The following EYS variants were observed in gnomAD, a reference collection of about 807,000 sequenced individuals.
EYS encodes the protein EGF-like photoreceptor maintenance factor.
In EYS, 250 loss-of-function variants were observed where a neutral mutation model predicts 282.1. That is an observed-to-expected ratio of 0.89 (90% CI 0.80 to 0.98). The LOEUF (loss-of-function observed/expected upper bound fraction) is 0.98. Ranked by LOEUF, EYS falls within the 50% of genes least tolerant of loss-of-function variation. EYS has a pLI of 0.00. For missense variants in EYS, 4,016 were observed against 3,709.0 expected (o/e 1.08, Z -2.15); for synonymous variants, 1,355 against 1,282.9 (o/e 1.06, Z -1.20).
intron 12 of EYS, among the ~76,000 whole-genome samples, chr6:65,160,481 T>C (rs1197214548): frequency 2.0e-5 from 3 of 150,894 alleles, no homozygotes; most frequent in Non-Finnish European, 3.0e-5. Context: ...AATATACTGA[T>C]AACCTTCAAA....
At chr6:63,884,084 G>A (rs182497208) in intron 35 of EYS, among the ~76,000 whole-genome samples, 3 of 152,282 alleles carry the variant, frequency 2.0e-5, no homozygotes, top group Admixed American at 2.0e-4. Context: ...ATGCTGTGAA[G>A]GATTGTGCTC....
intron 33 of EYS, among the ~76,000 whole-genome samples, chr6:64,020,657 T>G (rs762116819): frequency 9.0e-4 from 137 of 152,148 alleles, no homozygotes; most frequent in Non-Finnish European, 1.5e-3. Context: ...GGGTGATTTT[T>G]GGGGATGGAT....
intron 1 of EYS, among the ~76,000 whole-genome samples, chr6:65,704,638 C>T (rs532039308): frequency 2.0e-5 from 3 of 152,016 alleles, no homozygotes; most frequent in Admixed American, 1.3e-4. Context: ...AGTAGCTTTC[C>T]CAAATAGATA....
At chr6:63,934,123 T>C (rs1258018856) in intron 35 of EYS, among the ~76,000 whole-genome samples, 1 of 152,146 alleles carries the variant, frequency 6.6e-6, no homozygotes, top group Non-Finnish European at 1.5e-5. Context: ...AGAAGACACT[T>C]ATGCAGCCAA....
chr6:64,716,305 A>G (rs1771388593), intron 22 of EYS, among the ~76,000 whole-genome samples: 1 of 152,192 alleles, frequency 6.6e-6, no homozygotes, highest in Admixed American at 6.5e-5. Context: ...TTTTCCTGGC[A>G]CGTAATCATT....
intron 12 of EYS, among the ~76,000 whole-genome samples, chr6:65,141,351 G>A (rs1424133370): frequency 2.6e-5 from 4 of 151,946 alleles, no homozygotes; most frequent in East Asian, 1.9e-4. Context: ...GTGGGGTGGC[G>A]GGAGCGGGGA....
rs1477339668 is a variant in EYS at position 64,928,364 on chromosome 6, G to GTGAT, written c.2382-15625_2382-15622dup. ...GTACATTTTTCCTTTATTTCCATATGTGATTACCTTTCTTCCACAGTTCAA... is the reference window on the plus strand; with the variant it reads ...GTACATTTTTCCTTTATTTCCATATGTGATTGATTACCTTTCTTCCACAGTTCAA... On this transcript the variant is annotated intron_variant, in intron 15 of 42. Coordinates refer to ENST00000503581, the MANE Select transcript of EYS (RefSeq NM_001142800.2). Among the ~76,000 whole-genome samples, 10 of 152,028 alleles carry GTGAT rather than the reference G, an allele frequency of 6.6e-5. No homozygotes were observed. The East Asian group carries it at 1.9e-3, about 29-fold the overall frequency.
At chr6:65,295,769 G>T in intron 12 of EYS, 94 bp downstream of exon 12, 3 of 1,060,896 alleles carry the variant, frequency 2.8e-6, no homozygotes, top group South Asian at 1.6e-5. Flanking sequence ...CCAATCAATA[G>T]ACACATTTGA....
At chr6:63,888,976 G>A (rs537337398) in intron 35 of EYS, among the ~76,000 whole-genome samples, 29 of 152,176 alleles carry the variant, frequency 1.9e-4, no homozygotes, top group African/African-American at 4.1e-4. Context: ...AACATAGCAC[G>A]TAAACTTCAT....
chr6:64,907,838 T>C (rs951392838), intron 16 of EYS, among the ~76,000 whole-genome samples: 2 of 146,214 alleles, frequency 1.4e-5, no homozygotes, highest in African/African-American at 2.5e-5. Context: ...AAAAATAAAA[T>C]AAAAAAAAAA....
intron 26 of EYS, among the ~76,000 whole-genome samples, chr6:64,451,696 T>A (rs1048647767): frequency 6.8e-4 from 103 of 152,342 alleles, no homozygotes; most frequent in African/African-American, 2.3e-3. Flanking sequence ...GATGCAAGGC[T>A]GGTTCAACAT....
At chr6:64,692,976 G>GGTTTTTTTT (rs1583048324) in intron 22 of EYS, among the ~76,000 whole-genome samples, 1 of 3,068 alleles carries the variant, frequency 3.3e-4, no homozygotes, top group Non-Finnish European at 1.2e-3. Context: ...GGCTGCTTGG[G>GGTTTTTTTT]CTTTTTTTTT....
intron 11 of EYS, among the ~76,000 whole-genome samples, chr6:65,309,433 G>A (rs908235216): frequency 3.6e-4 from 55 of 152,224 alleles, no homozygotes; most frequent in Middle Eastern, 6.8e-3. Context: ...CATGGGGCCT[G>A]ATAGACTTGT....
intron 29 of EYS, among the ~76,000 whole-genome samples, chr6:64,361,276 A>C (rs1383031919): frequency 2.0e-5 from 3 of 151,718 alleles, no homozygotes; most frequent in African/African-American, 7.3e-5. Flanking sequence ...ATGAAAATAA[A>C]ATTTCATGAG....
chr6:63,743,437 T>C (rs1267557327), intron 41 of EYS, among the ~76,000 whole-genome samples: 3 of 152,204 alleles, frequency 2.0e-5, no homozygotes, highest in Non-Finnish European at 4.4e-5. Context: ...TTATATTTGT[T>C]GGGCATGTCT....
chr6:65,349,331 T>C (rs1182439771), intron 9 of EYS, among the ~76,000 whole-genome samples: 8 of 151,550 alleles, frequency 5.3e-5, no homozygotes, highest in Admixed American at 4.6e-4. Context: ...CTTGGCTTTA[T>C]TTGTCTTTTA....
chr6:65,347,133 C>T (rs1417506796), intron 9 of EYS, among the ~76,000 whole-genome samples: 1 of 151,812 alleles, frequency 6.6e-6, no homozygotes, highest in Non-Finnish European at 1.5e-5. Context: ...AGTGATTTTA[C>T]AGTATTGCCA....
chr6:65,431,184 C>A (rs1326956878), intron 5 of EYS, among the ~76,000 whole-genome samples: 2 of 152,162 alleles, frequency 1.3e-5, no homozygotes, highest in Non-Finnish European at 2.9e-5. Context: ...CCGTTGTGAA[C>A]TCTTTCACCA....
chr6:65,522,261 A>T (rs1472622109), intron 2 of EYS, among the ~76,000 whole-genome samples: 1 of 152,208 alleles, frequency 6.6e-6, no homozygotes, highest in Non-Finnish European at 1.5e-5. Flanking sequence ...TGAATTATAT[A>T]TCCCTCTGTA....
Sources: allele counts gnomAD v4.1 joint callset (sites outside exome capture counted in the v4.1 genomes callset), GRCh38; gene constraint gnomAD v4.1.1; transcripts MANE v1.5; gene names NCBI Gene and HGNC (gene_info 2026-07-23, HGNC 2026-07-21).